Variants in AGBL1 observed in about 807,000 individuals in gnomAD.
The protein encoded by AGBL1 is AGBL carboxypeptidase 1.
AGBL1 carries 130 observed loss-of-function variants against 118.9 expected under a neutral mutation model. That is an observed-to-expected ratio of 1.09 (90% CI 0.95 to 1.26). The LOEUF (loss-of-function observed/expected upper bound fraction) is 1.26. AGBL1 is among the 50% of genes most tolerant of loss of function. The pLI is 0.00. For missense variants in AGBL1, 1,584 were observed against 1,298.1 expected (o/e 1.22, Z -3.38); for synonymous variants, 555 against 478.9 (o/e 1.16, Z -2.08).
At chr15:86,347,386 T>C (rs1220784419) in intron 17 of AGBL1, among the ~76,000 whole-genome samples, 2 of 152,236 alleles carry the variant, frequency 1.3e-5, no homozygotes, top group African/African-American at 4.8e-5. Flanking sequence ...TAGATTTATC[T>C]TGCTACCTGT....
At chr15:86,221,814 A>G (rs1213010438) in intron 5 of AGBL1, among the ~76,000 whole-genome samples, 1 of 152,066 alleles carries the variant, frequency 6.6e-6, no homozygotes, top group South Asian at 2.1e-4. Context: ...GTGTATGTTC[A>G]TGCATTGAAG....
chr15:86,191,369 A>AAAAAC (rs1247744212), intron 5 of AGBL1, among the ~76,000 whole-genome samples: 1 of 145,062 alleles, frequency 6.9e-6, no homozygotes, highest in Admixed American at 6.8e-5. Flanking sequence ...AAAAAAAAAA[A>AAAAAC]AGAGAGAGAG....
intron 18 of AGBL1, among the ~76,000 whole-genome samples, chr15:86,433,908 A>C (rs1418466128): frequency 6.6e-6 from 1 of 152,122 alleles, no homozygotes; most frequent in African/African-American, 2.4e-5. Flanking sequence ...CCTCTAAGAG[A>C]CAGTGATTTA....
intron 22 of AGBL1, among the ~76,000 whole-genome samples, chr15:86,818,243 G>A (rs540356731): frequency 1.3e-5 from 2 of 152,294 alleles, no homozygotes; most frequent in African/African-American, 4.8e-5. Flanking sequence ...TGTGATATTT[G>A]TTACGGCAGC....
At chr15:86,602,281 T>G (rs1297182540) in intron 21 of AGBL1, among the ~76,000 whole-genome samples, 1 of 152,196 alleles carries the variant, frequency 6.6e-6, no homozygotes, top group Non-Finnish European at 1.5e-5. Context: ...CTTCATAGAA[T>G]TATTCTGAGG....
chr15:86,504,502 C>T (rs2082952194), intron 18 of AGBL1, among the ~76,000 whole-genome samples: 1 of 151,370 alleles, frequency 6.6e-6, no homozygotes, highest in African/African-American at 2.4e-5. Flanking sequence ...TCATTCCTCT[C>T]TTATTTCTTT....
Position 86,907,512 on chromosome 15 carries a change from G to A in AGBL1, c.*218G>A, listed in dbSNP as rs1355077868. 1 of 152,110 alleles carries A rather than the reference G, an allele frequency of 6.6e-6. No individual in the cohort carries two copies. The highest frequency in any genetic ancestry group is 2.4e-5 in the African/African-American group (1 of 41,424). 9.4% of individuals were successfully genotyped at this position (152,110 alleles called of 1,614,324 possible). On this transcript the variant is annotated 3_prime_UTR_variant, in exon 23 of 23. Transcript: ENST00000614907. ...TTTATATTAGAGTTAGGTAGCCCTT[G>A]GGGCCTATGCAAGCTGCTATTGTAC...
At chr15:86,298,248 TATATATATATATATATATA>T (rs2079680279) in intron 17 of AGBL1, among the ~76,000 whole-genome samples, 1 of 46,732 alleles carries the variant, frequency 2.1e-5, no homozygotes, top group African/African-American at 7.1e-5. Context: ...CTGTGTATAA[TATATATATATATATATATA>T]TATATATATA....
intron 22 of AGBL1, among the ~76,000 whole-genome samples, chr15:86,696,523 C>A (rs1032063787): frequency 1.3e-5 from 2 of 151,216 alleles, no homozygotes; most frequent in Non-Finnish European, 3.0e-5. Context: ...AGATACTTGG[C>A]CGGTGAATTC....
chr15:86,781,338 T>C (rs183204659), intron 22 of AGBL1, among the ~76,000 whole-genome samples: 96 of 152,326 alleles, frequency 6.3e-4, no homozygotes, highest in African/African-American at 2.3e-3. Flanking sequence ...CGTTCCTCTT[T>C]ACTGTTTTGA....
At chr15:86,610,514 C>A (rs958260955) in intron 21 of AGBL1, among the ~76,000 whole-genome samples, 8 of 152,144 alleles carry the variant, frequency 5.3e-5, no homozygotes, top group Admixed American at 1.3e-4. Context: ...CAGCCTGGGG[C>A]TGCTCACTGT....
chr15:86,647,250 A>G (rs1213702707), intron 21 of AGBL1, among the ~76,000 whole-genome samples: 1 of 152,210 alleles, frequency 6.6e-6, no homozygotes, highest in East Asian at 1.9e-4. Context: ...GTAGAAATGG[A>G]CAATAAAACA....
At chr15:86,947,335 A>G (rs1390681954) in intron 23 of AGBL1, among the ~76,000 whole-genome samples, 1 of 152,192 alleles carries the variant, frequency 6.6e-6, no homozygotes, top group Non-Finnish European at 1.5e-5. Flanking sequence ...TGTCTTATTG[A>G]CCTGACCTAA....
chr15:86,640,357 T>C (rs1204281904), intron 21 of AGBL1, among the ~76,000 whole-genome samples: 1 of 152,228 alleles, frequency 6.6e-6, no homozygotes, highest in Non-Finnish European at 1.5e-5. Flanking sequence ...CAATCAGATA[T>C]CTTTTATAAA....
intron 22 of AGBL1, among the ~76,000 whole-genome samples, chr15:86,693,805 C>T (rs1163981023): frequency 6.6e-6 from 1 of 152,000 alleles, no homozygotes; most frequent in Non-Finnish European, 1.5e-5. Context: ...GTTTCATTCC[C>T]CTACCTGTGG....
intron 5 of AGBL1, among the ~76,000 whole-genome samples, chr15:86,167,486 TC>T (rs1480468194): frequency 6.6e-6 from 1 of 152,196 alleles, no homozygotes; most frequent in Non-Finnish European, 1.5e-5. Flanking sequence ...CCTCAGGCAG[TC>T]CGCCTACCTC....
chr15:86,371,175 G>A (rs2080965733), intron 17 of AGBL1, among the ~76,000 whole-genome samples: 1 of 152,226 alleles, frequency 6.6e-6, no homozygotes, highest in African/African-American at 2.4e-5. Flanking sequence ...AGGTGTGTAA[G>A]TACCTGCAAA....
intron 5 of AGBL1, among the ~76,000 whole-genome samples, chr15:86,209,940 C>T (rs955598291): frequency 1.2e-4 from 18 of 152,142 alleles, no homozygotes; most frequent in African/African-American, 4.3e-4. Flanking sequence ...CATGTTTTTG[C>T]AGTGGCTGGA....
intron 24 of AGBL1, among the ~76,000 whole-genome samples, chr15:87,027,995 C>G (rs2081750869): frequency 1.3e-5 from 2 of 151,328 alleles, no homozygotes; most frequent in South Asian, 4.2e-4. Flanking sequence ...ACATGTTTAC[C>G]TATGTAACAA....
Sources: allele counts gnomAD v4.1 joint callset (sites outside exome capture counted in the v4.1 genomes callset), GRCh38; gene constraint gnomAD v4.1.1; transcripts MANE v1.5; gene names NCBI Gene and HGNC (gene_info 2026-07-23, HGNC 2026-07-21).